INTS6: variants seen among roughly 807,000 people sequenced by gnomAD.
INTS6 encodes the protein integrator complex subunit 6.
INTS6 carries 16 observed loss-of-function variants against 104.9 expected under a neutral mutation model. The observed-to-expected ratio is 0.15, with a 90% CI of 0.10 to 0.23. INTS6 has a LOEUF of 0.23. Among genes scored for constraint, INTS6 ranks in the 10% least tolerant of loss-of-function variants. INTS6 has a pLI of 1.00. For synonymous variants in INTS6, 324 were observed against 358.7 expected (o/e 0.90, Z 1.09); for missense variants, 584 against 1,062.8 (o/e 0.55, Z 6.26).
chr13:51,368,752 A>G (rs565163656), intron 16 of INTS6, among the ~76,000 whole-genome samples, 187 bp downstream of exon 16: 1 of 152,240 alleles, frequency 6.6e-6, no homozygotes, highest in South Asian at 2.1e-4. Context: ...CACCATACCT[A>G]GTACCTTGGA....
Position 51,452,590 on chromosome 13 carries a change from G to C in INTS6, c.-65C>G. 6.4e-7 allele frequency: 1 copy of C among 1,561,020 alleles called. No homozygotes were observed. The highest frequency in any genetic ancestry group is 8.7e-7 in the Non-Finnish European group (1 of 1,149,022). On this transcript the variant is annotated 5_prime_UTR_variant, in exon 1 of 18. Coordinates refer to ENST00000311234, the MANE Select transcript of INTS6 (RefSeq NM_012141.3). This position sits in a 1 kb window ranked among gnomAD's most constrained non-coding sequence, Gnocchi z 4.2. ...AAGAGGAGATGGTAGAGGTGGAGGC[G>C]CCGGTGGCGGCGACCGCCGCTACGC...
At position 51,453,005 on chromosome 13, in the gene INTS6, A is replaced by T. The variant is rs1953099983; in HGVS notation, c.-480T>A. ...ACTCCCTCCGCACCCCGGCGGTGTCACCACTTTCTCAGCCCCTCTCGCTAC... is the reference window on the plus strand; with the variant it reads ...ACTCCCTCCGCACCCCGGCGGTGTCTCCACTTTCTCAGCCCCTCTCGCTAC... On this transcript the variant is annotated 5_prime_UTR_variant, in exon 1 of 18. Coordinates refer to ENST00000311234, the MANE Select transcript of INTS6 (RefSeq NM_012141.3). The T allele has an allele frequency of 4.9e-6, 5 of 1,011,316 alleles. No homozygotes were observed. Among genetic ancestry groups the T allele is most frequent in the Non-Finnish European group, 5.9e-6 (5 of 845,896 alleles). The allele number at this position is 1,011,316 out of a possible 1,614,324, so 62.6% of individuals were successfully genotyped here.
chr13:51,373,740 A>T (rs1415884390), intron 15 of INTS6, among the ~76,000 whole-genome samples: 5 of 152,194 alleles, frequency 3.3e-5, no homozygotes. Context: ...AATATACTTG[A>T]CATCTTTTTC....
At chr13:51,375,503 ACT>A (rs1438919779) in intron 13 of INTS6, among the ~76,000 whole-genome samples, 1 of 151,392 alleles carries the variant, frequency 6.6e-6, no homozygotes, top group Non-Finnish European at 1.5e-5. Context: ...CGCATAGCTA[ACT>A]CTTTTATATA....
At chr13:51,443,027 AATC>A (rs1239754784) in intron 3 of INTS6, 1 of 152,248 alleles carries the variant, frequency 6.6e-6, no homozygotes, top group Non-Finnish European at 1.5e-5. Context: ...AACTGAAAGA[AATC>A]ATACTGCATT....
rs1294263302 is a variant in INTS6 at position 51,365,546 on chromosome 13, A to G, written c.*206T>C. The G allele has an allele frequency of 3.0e-6, 1 of 335,614 alleles. No individual in the cohort carries two copies. Among genetic ancestry groups the G allele is most frequent in the African/African-American group, 2.2e-5 (1 of 46,508 alleles). 20.8% of individuals were successfully genotyped at this position (335,614 alleles called of 1,614,324 possible). ...GTTTGTTAAATTAAAAATGTTTTTT[A>G]GAGTGATACTTTTCACATTACAAAA... On this transcript the variant is annotated 3_prime_UTR_variant, in exon 18 of 18. Transcript: ENST00000311234.
At chr13:51,372,300 GA>G in intron 15 of INTS6, among the ~76,000 whole-genome samples, 1 of 143,322 alleles carries the variant, frequency 7.0e-6, no homozygotes, top group African/African-American at 2.7e-5. Context: ...TCTCTTGATT[GA>G]ACAGTTTTTT....
intron 4 of INTS6, 120 bp downstream of exon 4, chr13:51,430,174 T>C: frequency 1.3e-6 from 1 of 758,632 alleles, no homozygotes; most frequent in East Asian, 2.5e-5. Flanking sequence ...AGGAGACAGA[T>C]GACTCTAAAT....
the INTS6 span, chr13:51,347,111 T>C: frequency 6.2e-7 from 1 of 1,612,360 alleles, no homozygotes; most frequent in Non-Finnish European, 8.5e-7. Flanking sequence ...GAGCACCATG[T>C]CCTTCCAAGG....
In INTS6 at chr13:51,367,793, T is replaced by C; in HGVS notation, c.2570+12A>G. 7.1e-7 allele frequency: 1 copy of C among 1,409,928 alleles called. No individual in the cohort carries two copies. Among genetic ancestry groups the C allele is most frequent in the Non-Finnish European group, 9.9e-7 (1 of 1,006,866 alleles). The allele number at this position is 1,409,928 out of a possible 1,614,324, so 87.3% of individuals were successfully genotyped here. ...TTCATCACCATTTCATTATATGCAATAGTTTATTTACCTTGATGCTTCTTT... is the reference window on the plus strand; with the variant it reads ...TTCATCACCATTTCATTATATGCAACAGTTTATTTACCTTGATGCTTCTTT... On this transcript the variant is annotated intron_variant, in intron 17 of 17. Coordinates refer to ENST00000311234, the MANE Select transcript of INTS6 (RefSeq NM_012141.3).
At position 51,452,747 on chromosome 13, in the gene INTS6, C is replaced by T; in HGVS notation, c.-222G>A. The T allele has an allele frequency of 6.5e-6, 8 of 1,232,408 alleles. No individual in the cohort carries two copies. Among genetic ancestry groups the T allele is most frequent in the Non-Finnish European group, 8.1e-6 (8 of 982,456 alleles). 76.3% of individuals were successfully genotyped at this position (1,232,408 alleles called of 1,614,324 possible). A position where few individuals can be genotyped will look rare whatever the true frequency, so the allele number is the denominator to read the frequency against. On this transcript the variant is annotated 5_prime_UTR_variant, in exon 1 of 18. Transcript: ENST00000311234. This position sits in a 1 kb window ranked among gnomAD's most constrained non-coding sequence, Gnocchi z 4.2. The stretch of plus-strand genomic sequence containing the variant: ...GCTCCCCGTCGTACCCCCGCCTCCG[C>T]CTCCTCCTGCCTGCCTGCCCGCTGG...
chr13:51,395,814 TTTTTC>T (rs558125263), intron 4 of INTS6, among the ~76,000 whole-genome samples: 73 of 152,264 alleles, frequency 4.8e-4, no homozygotes, highest in Admixed American at 6.5e-4. Flanking sequence ...AGATATGTTA[TTTTTC>T]TTTTCTTTTC....
the INTS6 span, chr13:51,341,415 C>T: frequency 7.1e-7 from 1 of 1,416,116 alleles, no homozygotes; most frequent in Non-Finnish European, 9.6e-7. Context: ...TCCAGCTCAC[C>T]CTCCTGCTCA....
Position 51,383,670 on chromosome 13 carries a change from A to T in INTS6, c.966T>A (p.Leu322=). 6.2e-7 allele frequency: 1 copy of T among 1,613,966 alleles called. No individual in the cohort carries two copies. The highest frequency in any genetic ancestry group is 8.5e-7 in the Non-Finnish European group (1 of 1,179,882). Residue 322 remains leucine, a synonymous_variant, in exon 8 of 18, where the codon CTT becomes CTA. Transcript: ENST00000311234. ...TDCEPMVIDK[L]PFDKYELEPS... Reference sequence around the variant, plus strand: ...GTTCCAACTCATATTTGTCAAAAGGAAGTTTATCAATAACCATTGGTTCAC... The same window carrying T: ...GTTCCAACTCATATTTGTCAAAAGGTAGTTTATCAATAACCATTGGTTCAC...
chr13:51,374,627 T>C (rs533124056), intron 14 of INTS6, 27 bp downstream of exon 14: 4 of 1,610,468 alleles, frequency 2.5e-6, no homozygotes, highest in East Asian at 4.5e-5. Flanking sequence ...CATAAACAAA[T>C]TACATAATAG....
At chr13:51,388,354 TTG>T (rs754391935) in intron 6 of INTS6, among the ~76,000 whole-genome samples, 1 of 151,192 alleles carries the variant, frequency 6.6e-6, no homozygotes. Context: ...CTCTAAATCT[TTG>T]TGTGTGTGTG....
At chr13:51,378,604 G>A (rs1955981833) in intron 11 of INTS6, 150 bp from the exon 12 acceptor site, 3 of 407,488 alleles carry the variant, frequency 7.4e-6, no homozygotes, top group South Asian at 7.4e-5. Context: ...TCAAGTATTG[G>A]GTAAATTAAA....
chr13:51,419,901 A>G (rs1956863881), intron 4 of INTS6, among the ~76,000 whole-genome samples: 1 of 152,234 alleles, frequency 6.6e-6, no homozygotes, highest in Non-Finnish European at 1.5e-5. Flanking sequence ...ACCAGCGATC[A>G]GCAAACTATA....
intron 3 of INTS6, chr13:51,443,864 C>T (rs1952843113): frequency 6.6e-6 from 1 of 152,102 alleles, no homozygotes; most frequent in Non-Finnish European, 1.5e-5. Context: ...AAATCTATGA[C>T]ATGAACATGA....
Sources: allele counts gnomAD v4.1 joint callset (sites outside exome capture counted in the v4.1 genomes callset), GRCh38; gene constraint gnomAD v4.1.1; non-coding constraint Gnocchi (gnomAD v3.1); transcripts MANE v1.5; gene names NCBI Gene and HGNC (gene_info 2026-07-23, HGNC 2026-07-21).